CLDN16: variants seen among roughly 807,000 people sequenced by gnomAD.
CLDN16 encodes the protein claudin-16.
Under a neutral mutation model 24.6 loss-of-function variants are expected in CLDN16, and 13 were observed. The ratio of observed to expected loss-of-function variants is 0.53; its 90% CI spans 0.34 to 0.84. The LOEUF (loss-of-function observed/expected upper bound fraction) is 0.84, where lower values mean the gene tolerates loss of function less well. Among genes scored for constraint, CLDN16 ranks in the 40% least tolerant of loss-of-function variants. The probability of loss-of-function intolerance (pLI) is 0.01; values close to 1 mark genes in which losing one functional copy is unlikely to be tolerated. For missense variants in CLDN16, 298 were observed against 292.7 expected (o/e 1.02, Z -0.13); for synonymous variants, 116 against 106.7 (o/e 1.09, Z -0.54).
intron 3 of CLDN16, among the ~76,000 whole-genome samples, chr3:190,376,124 C>A (rs1219141605): frequency 6.6e-6 from 1 of 151,856 alleles, no homozygotes; most frequent in Non-Finnish European, 1.5e-5. Flanking sequence ...GAATCCACAT[C>A]ATTGACTTCA....
At chr3:190,312,624 G>A in the CLDN16 span, among the ~76,000 whole-genome samples, 1 of 152,128 alleles carries the variant, frequency 6.6e-6, no homozygotes, top group Non-Finnish European at 1.5e-5. Context: ...TTTCTTCACT[G>A]GAAGAGACTG....
chr3:190,405,923 T>C (rs1462834613), intron 3 of CLDN16, among the ~76,000 whole-genome samples: 3 of 152,226 alleles, frequency 2.0e-5, no homozygotes, highest in Non-Finnish European at 4.4e-5. Flanking sequence ...TAATGTCTTC[T>C]TCTTGTCTGT....
chr3:190,313,280 T>C, the CLDN16 span: 1 of 509,150 alleles, frequency 2.0e-6, no homozygotes, highest in Non-Finnish European at 3.5e-6. Context: ...GTTTCCAACA[T>C]TAAATTCAAA....
At chr3:190,375,776 C>T (rs1718234776) in intron 3 of CLDN16, among the ~76,000 whole-genome samples, 1 of 151,756 alleles carries the variant, frequency 6.6e-6, no homozygotes, top group South Asian at 2.1e-4. Flanking sequence ...TTAGAAGATT[C>T]GGCTTCTGCA....
In CLDN16 at chr3:190,393,066, G is replaced by C. The variant is rs554957366; in HGVS notation, c.114+4623G>C. Among the ~76,000 whole-genome samples, 7 of 152,244 alleles carry C rather than the reference G, an allele frequency of 4.6e-5. No individual in the cohort carries two copies. The East Asian group carries it at 1.4e-3, about 30-fold the overall frequency. On this transcript the variant is annotated intron_variant, in intron 1 of 4. Transcript: ENST00000264734. ...GCAAGCATGAAGAAATATGAAATAA[G>C]GGAGGCTCTAAAAATGTCAAATTGA...
intron 1 of CLDN16, among the ~76,000 whole-genome samples, chr3:190,340,824 G>A (rs373107164): frequency 4.6e-5 from 7 of 152,160 alleles, no homozygotes; most frequent in African/African-American, 1.7e-4. Context: ...TACAATGGGG[G>A]TACAGGAATT....
the CLDN16 span, among the ~76,000 whole-genome samples, chr3:190,291,111 A>G: frequency 3.9e-5 from 6 of 152,146 alleles, no homozygotes; most frequent in South Asian, 2.1e-4. Flanking sequence ...GAGAAAAACA[A>G]TCTAGGCAGA....
the CLDN16 span, among the ~76,000 whole-genome samples, chr3:190,308,964 G>C: frequency 6.6e-6 from 1 of 152,282 alleles, no homozygotes; most frequent in East Asian, 1.9e-4. Context: ...TCTGGATTAA[G>C]CTGATCCAGG....
chr3:190,330,258 A>T (rs1353562712), intron 1 of CLDN16, among the ~76,000 whole-genome samples: 1 of 152,166 alleles, frequency 6.6e-6, no homozygotes, highest in Non-Finnish European at 1.5e-5. Context: ...TTCATTGTGA[A>T]ATATTGGTTC....
intron 3 of CLDN16, among the ~76,000 whole-genome samples, chr3:190,380,006 T>TATCTATCTATCTATC (rs1718326955): frequency 1.3e-5 from 2 of 151,994 alleles, no homozygotes; most frequent in African/African-American, 4.8e-5. Context: ...TCTATCTATC[T>TATCTATCTATCTATC]ATCTATCTAA....
intron 1 of CLDN16, among the ~76,000 whole-genome samples, chr3:190,392,224 C>G (rs144976553): frequency 7.2e-4 from 109 of 152,092 alleles, no homozygotes; most frequent in African/African-American, 2.5e-3. Flanking sequence ...ACTCTCCCTT[C>G]CTTCATTCCA....
At chr3:190,382,941 G>C (rs770760316) in intron 3 of CLDN16, among the ~76,000 whole-genome samples, 6 of 152,052 alleles carry the variant, frequency 3.9e-5, no homozygotes, top group Admixed American at 6.6e-5. Flanking sequence ...ACAAATCCAG[G>C]TGTGGGCTGC....
At chr3:190,348,900 A>C (rs1248776069) in intron 1 of CLDN16, among the ~76,000 whole-genome samples, 1 of 152,186 alleles carries the variant, frequency 6.6e-6, no homozygotes, top group African/African-American at 2.4e-5. Flanking sequence ...CCCACTTATA[A>C]GTGAGAACAT....
the CLDN16 span, among the ~76,000 whole-genome samples, chr3:190,297,519 T>C: frequency 7.0e-6 from 1 of 142,844 alleles, no homozygotes; most frequent in Non-Finnish European, 1.5e-5. Context: ...TATAGATATG[T>C]ATATATATAT....
intron 1 of CLDN16, among the ~76,000 whole-genome samples, chr3:190,394,789 A>C (rs1718773995): frequency 6.6e-6 from 1 of 152,180 alleles, no homozygotes; most frequent in Admixed American, 6.5e-5. Flanking sequence ...GTATGTCTGT[A>C]ATGAAATGAT....
intron 1 of CLDN16, among the ~76,000 whole-genome samples, chr3:190,356,462 T>G (rs1184566976): frequency 6.6e-6 from 1 of 151,808 alleles, no homozygotes; most frequent in Admixed American, 6.6e-5. Context: ...TGATGGAAAA[T>G]TTTTGAACTG....
intron 3 of CLDN16, among the ~76,000 whole-genome samples, chr3:190,407,747 T>C (rs955498866): frequency 6.6e-6 from 1 of 152,190 alleles, no homozygotes; most frequent in African/African-American, 2.4e-5. Flanking sequence ...TAAAAACATT[T>C]TTTACTTCAA....
intron 1 of CLDN16, among the ~76,000 whole-genome samples, chr3:190,391,115 A>C (rs761486086): frequency 1.3e-5 from 2 of 151,956 alleles, no homozygotes; most frequent in African/African-American, 4.8e-5. Context: ...ACAAAAGTCA[A>C]CGAAACAAGT....
intron 1 of CLDN16, among the ~76,000 whole-genome samples, chr3:190,341,318 T>G (rs1717428138): frequency 6.6e-6 from 1 of 152,160 alleles, no homozygotes; most frequent in African/African-American, 2.4e-5. Flanking sequence ...TTTCCATACA[T>G]CCTCTGAAAT....
Sources: gnomAD v4.1 joint callset for allele counts (sites outside exome capture counted in the v4.1 genomes callset) on GRCh38, gnomAD v4.1.1 for gene constraint, MANE v1.5 for transcripts, NCBI Gene and HGNC (gene_info 2026-07-23, HGNC 2026-07-21) for gene names.